The following NELL1 variants were observed in gnomAD, a reference collection of about 807,000 sequenced individuals.
NELL1 encodes the protein protein kinase C-binding protein NELL1.
Under a neutral mutation model 107.4 loss-of-function variants are expected in NELL1, and 76 were observed. That is an observed-to-expected ratio of 0.71 (90% CI 0.59 to 0.86). The LOEUF (loss-of-function observed/expected upper bound fraction) is 0.86. NELL1 is among the 40% of genes least tolerant of loss of function. The pLI is 0.00. For missense variants in NELL1, 1,024 were observed against 1,005.5 expected (o/e 1.02, Z -0.25); for synonymous variants, 353 against 341.2 (o/e 1.03, Z -0.38).
chr11:21,055,738 C>T (rs1463833186), intron 12 of NELL1, among the ~76,000 whole-genome samples: 2 of 152,096 alleles, frequency 1.3e-5, no homozygotes, highest in Non-Finnish European at 2.9e-5. Flanking sequence ...TCAGGGATGC[C>T]TCTCAAGGCA....
intron 1 of NELL1, among the ~76,000 whole-genome samples, chr11:20,676,863 C>T (rs886356327): frequency 2.6e-5 from 4 of 152,178 alleles, no homozygotes; most frequent in African/African-American, 9.7e-5. Flanking sequence ...TCCAACAGCA[C>T]AGTCAAAATT....
At chr11:20,697,931 A>C (rs1854667691) in intron 2 of NELL1, among the ~76,000 whole-genome samples, 2 of 152,184 alleles carry the variant, frequency 1.3e-5, no homozygotes, top group South Asian at 4.1e-4. Context: ...AGAAAATCTG[A>C]GTAAGATGGA....
At chr11:20,832,620 C>T (rs1858035584) in intron 3 of NELL1, among the ~76,000 whole-genome samples, 1 of 152,134 alleles carries the variant, frequency 6.6e-6, no homozygotes, top group African/African-American at 2.4e-5. Context: ...GATGGTGATA[C>T]ATCAAACTGC....
chr11:21,230,310 C>A (rs56756579), intron 14 of NELL1, among the ~76,000 whole-genome samples: 2 of 152,078 alleles, frequency 1.3e-5, no homozygotes, highest in Admixed American at 1.3e-4. Flanking sequence ...TCTTGTCCCC[C>A]CACTGTCCCT....
intron 1 of NELL1, among the ~76,000 whole-genome samples, chr11:20,672,985 C>G (rs368923109): frequency 0.38 from 43,479 of 115,840 alleles, 10,415 homozygotes; most frequent in South Asian, 0.43. Context: ...CCCCCCCCCC[C>G]CCGAGTAGCT....
At chr11:21,065,390 G>A (rs1423858342) in intron 12 of NELL1, among the ~76,000 whole-genome samples, 1 of 152,056 alleles carries the variant, frequency 6.6e-6, no homozygotes, top group East Asian at 1.9e-4. Context: ...TAGAATGATT[G>A]GATGATTTTG....
intron 5 of NELL1, among the ~76,000 whole-genome samples, chr11:20,905,809 G>A (rs1849984260): frequency 6.6e-6 from 1 of 152,106 alleles, no homozygotes; most frequent in African/African-American, 2.4e-5. Context: ...TTATCAAATA[G>A]ACTAATGTAT....
intron 14 of NELL1, among the ~76,000 whole-genome samples, chr11:21,363,663 CT>C (rs1194534409): frequency 1.3e-5 from 2 of 152,170 alleles, no homozygotes; most frequent in Non-Finnish European, 2.9e-5. Context: ...ATTGATCTGA[CT>C]TTAAATGTTT....
intron 1 of NELL1, among the ~76,000 whole-genome samples, chr11:20,675,744 T>G (rs1854038494): frequency 6.6e-6 from 1 of 152,134 alleles, no homozygotes; most frequent in East Asian, 1.9e-4. Flanking sequence ...CCCTTCTCTC[T>G]CTCCCACTTT....
At chr11:20,784,392 G>A (rs190376099) in intron 3 of NELL1, among the ~76,000 whole-genome samples, 174 of 152,306 alleles carry the variant, frequency 1.1e-3, no homozygotes, top group African/African-American at 4.0e-3. Context: ...AAAAAAATGT[G>A]AGTATTCTAC....
rs370613231 is a variant in NELL1 at position 20,671,549 on chromosome 11, C to A, written c.55+1771C>A. ...TGCTTGTGGAAGGGGTCTTTAAGAA[C>A]AGGTATTTTCCCTCTTTCCACTTCC... On this transcript the variant is annotated intron_variant, in intron 1 of 19. Transcript: ENST00000357134. Among the ~76,000 whole-genome samples, 91 of 152,160 alleles carry A rather than the reference C, an allele frequency of 6.0e-4. 1 individual carries two copies. Among genetic ancestry groups the A allele is most frequent in the African/African-American group, 2.1e-3 (89 of 41,442 alleles).
At chr11:20,897,583 A>G (rs76017276) in intron 5 of NELL1, among the ~76,000 whole-genome samples, 6 of 152,150 alleles carry the variant, frequency 3.9e-5, no homozygotes, top group African/African-American at 9.7e-5. Context: ...TAATTAAACT[A>G]AAGAGCTTCT....
chr11:21,220,234 C>T (rs924491782), intron 13 of NELL1, among the ~76,000 whole-genome samples: 2 of 152,056 alleles, frequency 1.3e-5, no homozygotes, highest in Non-Finnish European at 2.9e-5. Flanking sequence ...TGTTTTTATG[C>T]CAGTATCATG....
chr11:21,360,899 T>G (rs1851061090), intron 14 of NELL1, among the ~76,000 whole-genome samples: 1 of 152,186 alleles, frequency 6.6e-6, no homozygotes, highest in Admixed American at 6.5e-5. Flanking sequence ...TTTGGTGGAC[T>G]TCTATCCATT....
intron 15 of NELL1, among the ~76,000 whole-genome samples, chr11:21,523,307 G>A (rs1855774002): frequency 6.6e-6 from 1 of 152,082 alleles, no homozygotes; most frequent in African/African-American, 2.4e-5. Flanking sequence ...CTTTTTACTA[G>A]TCTGACAATC....
rs368196325 is a variant in NELL1 at position 21,341,544 on chromosome 11, T to C, written c.1550-29309T>C. Among the ~76,000 whole-genome samples the C allele has an allele frequency of 5.3e-5, 8 of 152,328 alleles. No individual in the cohort carries two copies. In the South Asian group the frequency reaches 1.7e-3, roughly 32 times the overall value. Reference sequence around the variant, plus strand: ...CTGTAGGAGTCTGGAGTATATGTGATGAATTATATTAATCGGGAGTGAATT... The same window carrying C: ...CTGTAGGAGTCTGGAGTATATGTGACGAATTATATTAATCGGGAGTGAATT... On this transcript the variant is annotated intron_variant, in intron 14 of 19. Transcript: ENST00000357134.
At chr11:21,372,344 T>C (rs1332410903) in intron 15 of NELL1, among the ~76,000 whole-genome samples, 1 of 151,882 alleles carries the variant, frequency 6.6e-6, no homozygotes, top group Non-Finnish European at 1.5e-5. Flanking sequence ...TTCCCTAAAC[T>C]GAATACACAG....
chr11:21,323,213 T>G (rs2133670445), intron 14 of NELL1, among the ~76,000 whole-genome samples: 1 of 152,326 alleles, frequency 6.6e-6, no homozygotes, highest in Non-Finnish European at 1.5e-5. Flanking sequence ...ATGTAACAAA[T>G]TTTTAAACTG....
chr11:21,183,934 T>C (rs1381037502), intron 13 of NELL1, among the ~76,000 whole-genome samples: 2 of 151,770 alleles, frequency 1.3e-5, no homozygotes, highest in Non-Finnish European at 2.9e-5. Context: ...GTTACTATGA[T>C]CATTTTTGGG....
Sources: gnomAD v4.1 joint callset for allele counts (sites outside exome capture counted in the v4.1 genomes callset) on GRCh38, gnomAD v4.1.1 for gene constraint, MANE v1.5 for transcripts, NCBI Gene and HGNC (gene_info 2026-07-23, HGNC 2026-07-21) for gene names.